Variants in CHST9 observed in about 807,000 individuals in gnomAD.
CHST9 encodes the protein carbohydrate sulfotransferase 9.
A neutral mutation model predicts 44.4 loss-of-function variants in CHST9; 41 were observed. The observed-to-expected ratio is 0.92, with a 90% CI of 0.72 to 1.20. The LOEUF is 1.20. Ranked by LOEUF, CHST9 falls within the 50% of genes most tolerant of loss-of-function variation. The probability of loss-of-function intolerance (pLI) is 0.00; values close to 1 mark genes in which losing one functional copy is unlikely to be tolerated. For missense variants in CHST9, 504 were observed against 516.5 expected, an observed-to-expected ratio of 0.98 and a Z score of 0.23; for synonymous variants, 171 against 178.4, an observed-to-expected ratio of 0.96 and a Z score of 0.33.
chr18:27,093,203 G>A (rs574902768), intron 2 of CHST9, among the ~76,000 whole-genome samples: 2 of 152,362 alleles, frequency 1.3e-5, no homozygotes, highest in Non-Finnish European at 2.9e-5. Flanking sequence ...ACAGGGATCA[G>A]GGACCCACTT....
chr18:26,991,805 C>G (rs75219521), intron 4 of CHST9, among the ~76,000 whole-genome samples: 2,318 of 126,928 alleles, frequency 0.018, 425 homozygotes, highest in African/African-American at 0.058. Context: ...ACCACTGGAT[C>G]TAGTAATAGG....
intron 3 of CHST9, among the ~76,000 whole-genome samples, chr18:27,026,460 T>C (rs2057286361): frequency 6.6e-6 from 1 of 152,090 alleles, no homozygotes; most frequent in Non-Finnish European, 1.5e-5. Flanking sequence ...GGGAAATAAA[T>C]ACAATTTATT....
intron 4 of CHST9, among the ~76,000 whole-genome samples, chr18:26,956,790 T>C (rs1337321043): frequency 1.3e-5 from 2 of 152,210 alleles, no homozygotes; most frequent in African/African-American, 2.4e-5. Flanking sequence ...TTTTAATTAT[T>C]TTTTTCTAGC....
chr18:27,039,331 C>T (rs1406284961), intron 3 of CHST9, among the ~76,000 whole-genome samples: 1 of 152,102 alleles, frequency 6.6e-6, no homozygotes, highest in South Asian at 2.1e-4. Context: ...TTGAATCAGT[C>T]TTAAAAAGGA....
At chr18:26,961,882 G>A (rs191672715) in intron 4 of CHST9, among the ~76,000 whole-genome samples, 1 of 152,294 alleles carries the variant, frequency 6.6e-6, no homozygotes, top group African/African-American at 2.4e-5. Flanking sequence ...TCATCCACTT[G>A]TTCAACCATT....
chr18:27,067,391 C>T (rs1053887532), intron 2 of CHST9, among the ~76,000 whole-genome samples: 1 of 151,804 alleles, frequency 6.6e-6, no homozygotes, highest in African/African-American at 2.4e-5. Context: ...GCAGGAACAA[C>T]ACACTGCTGT....
At chr18:27,158,947 G>A (rs1393564165) in intron 1 of CHST9, among the ~76,000 whole-genome samples, 24 of 152,338 alleles carry the variant, frequency 1.6e-4, no homozygotes, top group African/African-American at 5.5e-4. Context: ...CCCACTTTTT[G>A]ATGGGGCTGT....
intron 4 of CHST9, among the ~76,000 whole-genome samples, chr18:26,965,032 T>G (rs2056447001): frequency 6.6e-6 from 1 of 152,250 alleles, no homozygotes; most frequent in Non-Finnish European, 1.5e-5. Flanking sequence ...CGTGATTTAT[T>G]TCTTTCCTTC....
intron 2 of CHST9, among the ~76,000 whole-genome samples, chr18:27,077,211 A>C (rs1403986909): frequency 6.6e-6 from 1 of 152,204 alleles, no homozygotes; most frequent in Non-Finnish European, 1.5e-5. Context: ...AGAGTCAATC[A>C]CGTTGATAGA....
intron 1 of CHST9, among the ~76,000 whole-genome samples, chr18:27,159,444 A>C (rs1244495137): frequency 3.3e-5 from 5 of 151,834 alleles, no homozygotes; most frequent in South Asian, 2.1e-4. Context: ...TTTCTGAGGG[A>C]TCTGTTCTGT....
At chr18:27,018,449 GA>G (rs901532382) in intron 4 of CHST9, among the ~76,000 whole-genome samples, 16 of 152,036 alleles carry the variant, frequency 1.1e-4, no homozygotes, top group African/African-American at 2.2e-4. Context: ...CCCTACAAAA[GA>G]AAAAAACCCA....
chr18:26,982,207 T>C (rs1428452434), intron 4 of CHST9, among the ~76,000 whole-genome samples: 1 of 152,190 alleles, frequency 6.6e-6, no homozygotes. Flanking sequence ...CGTCTCTTCA[T>C]CCACATGTAA....
intron 2 of CHST9, among the ~76,000 whole-genome samples, chr18:27,053,288 G>GAAGGAGGAC (rs2057608781): frequency 8.0e-6 from 1 of 125,218 alleles, no homozygotes; most frequent in South Asian, 2.8e-4. Flanking sequence ...AGGAGAAGGA[G>GAAGGAGGAC]AAGGAGAAGG....
chr18:26,987,629 C>A (rs2056769248), intron 4 of CHST9, among the ~76,000 whole-genome samples: 1 of 152,116 alleles, frequency 6.6e-6, no homozygotes, highest in Non-Finnish European at 1.5e-5. Flanking sequence ...CCAAGTGGTA[C>A]AATGTCTGCC....
chr18:26,961,752 TA>T (rs1199406796), intron 4 of CHST9, among the ~76,000 whole-genome samples: 1 of 152,200 alleles, frequency 6.6e-6, no homozygotes, highest in Non-Finnish European at 1.5e-5. Flanking sequence ...AAAACTTTTT[TA>T]TTAGGAAAAG....
intron 1 of CHST9, among the ~76,000 whole-genome samples, chr18:27,161,596 G>C (rs938994197): frequency 1.3e-5 from 2 of 152,120 alleles, no homozygotes; most frequent in African/African-American, 4.8e-5. Flanking sequence ...TGTTGATTTG[G>C]GGTGGAGAGT....
chr18:27,096,259 C>A (rs1490910718), intron 2 of CHST9, among the ~76,000 whole-genome samples: 1 of 151,690 alleles, frequency 6.6e-6, no homozygotes, highest in Non-Finnish European at 1.5e-5. Context: ...CACAACATAT[C>A]AAAGTCTCTG....
intron 3 of CHST9, among the ~76,000 whole-genome samples, chr18:27,032,987 T>C (rs530772409): frequency 1.2e-4 from 19 of 152,338 alleles, no homozygotes; most frequent in Admixed American, 3.3e-4. Flanking sequence ...AATAGCTCCA[T>C]AAACAGTATC....
At chr18:27,082,826 A>G (rs908292882) in intron 2 of CHST9, among the ~76,000 whole-genome samples, 1 of 152,136 alleles carries the variant, frequency 6.6e-6, no homozygotes, top group Non-Finnish European at 1.5e-5. Context: ...AGCACAAGAA[A>G]ATTTTCTCTA....
Sources: allele counts gnomAD v4.1 joint callset (sites outside exome capture counted in the v4.1 genomes callset), GRCh38; gene constraint gnomAD v4.1.1; transcripts MANE v1.5; gene names NCBI Gene and HGNC (gene_info 2026-07-23, HGNC 2026-07-21).